The following CSMD1 variants were observed in gnomAD, a reference collection of about 807,000 sequenced individuals.
CSMD1 encodes the protein CUB and Sushi multiple domains 1, also known as CUB and sushi domain-containing protein 1.
In CSMD1, 213 loss-of-function variants were observed where a neutral mutation model predicts 417.5. The ratio of observed to expected loss-of-function variants is 0.51; its 90% CI spans 0.46 to 0.57. The LOEUF (loss-of-function observed/expected upper bound fraction) is 0.57. Among genes scored for constraint, CSMD1 ranks in the 20% least tolerant of loss-of-function variants. The probability of loss-of-function intolerance (pLI) is 0.00; values close to 1 mark genes in which losing one functional copy is unlikely to be tolerated. For synonymous variants in CSMD1, 2,862 were observed against 1,736.8 expected (o/e 1.65, Z -16.11); for missense variants, 6,923 against 4,529.7 (o/e 1.53, Z -15.17).
chr8:3,331,237 C>CAAAAAAAAAAAAAAAAAAAAAAAAAAAA (rs112278319), intron 23 of CSMD1, among the ~76,000 whole-genome samples: 12 of 128,514 alleles, frequency 9.3e-5, no homozygotes, highest in African/African-American at 3.8e-4. Context: ...GACTCCGTCT[C>CAAAAAAAAAAAAAAAAAAAAAAAAAAAA]AAAAAAAAAA....
At chr8:4,738,289 G>A (rs1810371455) in intron 1 of CSMD1, among the ~76,000 whole-genome samples, 1 of 152,158 alleles carries the variant, frequency 6.6e-6, no homozygotes, top group Non-Finnish European at 1.5e-5. Context: ...CTTGAGAATG[G>A]GTTATTTACA....
intron 1 of CSMD1, among the ~76,000 whole-genome samples, chr8:4,961,876 C>T (rs1037627988): frequency 1.5e-5 from 2 of 135,106 alleles, no homozygotes; most frequent in Non-Finnish European, 3.2e-5. Flanking sequence ...TCATCATTTT[C>T]TAACACGTGC....
At chr8:4,438,742 G>C (rs927654376) in intron 2 of CSMD1, among the ~76,000 whole-genome samples, 1 of 152,154 alleles carries the variant, frequency 6.6e-6, no homozygotes, top group African/African-American at 2.4e-5. Flanking sequence ...CAAATATTTG[G>C]TTACAAATGA....
At chr8:3,195,559 G>T (rs1234487190) in intron 33 of CSMD1, among the ~76,000 whole-genome samples, 1 of 152,080 alleles carries the variant, frequency 6.6e-6, no homozygotes, top group Admixed American at 6.6e-5. Flanking sequence ...GTTGATTTTC[G>T]GTGTAATATA....
intron 5 of CSMD1, among the ~76,000 whole-genome samples, chr8:3,775,985 C>T (rs1438163474): frequency 6.6e-6 from 1 of 152,196 alleles, no homozygotes; most frequent in Non-Finnish European, 1.5e-5. Flanking sequence ...AGGCTTCCTC[C>T]TCAGAGCTTC....
intron 50 of CSMD1, among the ~76,000 whole-genome samples, chr8:3,050,905 A>G (rs1418446813): frequency 6.6e-6 from 1 of 152,218 alleles, no homozygotes; most frequent in African/African-American, 2.4e-5. Flanking sequence ...TTCTGCTAGT[A>G]TCACTGGCGC....
In CSMD1 at chr8:4,303,347, C is replaced by T. The variant is rs187675519; in HGVS notation, c.415+116606G>A. Among the ~76,000 whole-genome samples, 571 of 151,120 alleles carry T rather than the reference C, an allele frequency of 3.8e-3. 10 individuals are homozygous for T. Among genetic ancestry groups the T allele is most frequent in the South Asian group, 0.031 (148 of 4,754 alleles). ...TATTAAAGGAAGCAAAAATTAGCAT[C>T]TTCCATCACCAAAATCTTCAAATAA... On this transcript the variant is annotated intron_variant, in intron 3 of 69. Transcript: ENST00000635120.
At chr8:3,988,991 G>C (rs1814540354) in intron 5 of CSMD1, among the ~76,000 whole-genome samples, 1 of 152,196 alleles carries the variant, frequency 6.6e-6, no homozygotes, top group Non-Finnish European at 1.5e-5. Flanking sequence ...TTTAGAACTA[G>C]ATACAGGTAA....
chr8:4,293,720 G>A (rs1043043819), intron 3 of CSMD1, among the ~76,000 whole-genome samples: 2 of 152,118 alleles, frequency 1.3e-5, no homozygotes, highest in African/African-American at 4.8e-5. Flanking sequence ...CTTTAAAAAA[G>A]ATGCTTTAGA....
intron 11 of CSMD1, among the ~76,000 whole-genome samples, chr8:3,485,509 A>T (rs1012282311): frequency 6.7e-6 from 1 of 149,408 alleles, no homozygotes; most frequent in Admixed American, 6.8e-5. Flanking sequence ...GTGAAATTGT[A>T]TAGAACTTCA....
chr8:3,889,812 ATTCT>A (rs1295771250), intron 5 of CSMD1, among the ~76,000 whole-genome samples: 3 of 152,008 alleles, frequency 2.0e-5, no homozygotes, highest in East Asian at 1.9e-4. Flanking sequence ...TCTGTTGCAA[ATTCT>A]TTATTTCTCT....
At chr8:4,958,654 C>A (rs185542611) in intron 1 of CSMD1, among the ~76,000 whole-genome samples, 6 of 152,232 alleles carry the variant, frequency 3.9e-5, no homozygotes, top group African/African-American at 1.4e-4. Context: ...ACCAGTCTTT[C>A]TGGTTTTGTG....
intron 7 of CSMD1, among the ~76,000 whole-genome samples, chr8:3,654,550 T>C (rs577652032): frequency 6.6e-6 from 1 of 152,302 alleles, no homozygotes; most frequent in Non-Finnish European, 1.5e-5. Context: ...TTGTCATGAT[T>C]ATACGGAGAG....
At chr8:3,341,951 C>A (rs932552473) in intron 23 of CSMD1, among the ~76,000 whole-genome samples, 2 of 152,160 alleles carry the variant, frequency 1.3e-5, no homozygotes, top group African/African-American at 4.8e-5. Flanking sequence ...TTCATTCCAT[C>A]TGCAAGCAAA....
intron 5 of CSMD1, among the ~76,000 whole-genome samples, chr8:3,799,287 T>G (rs975179246): frequency 6.6e-6 from 1 of 151,978 alleles, no homozygotes; most frequent in Non-Finnish European, 1.5e-5. Flanking sequence ...AGGGTACATG[T>G]GCACAATGTG....
In CSMD1 at chr8:3,545,193, G is replaced by A. The variant is rs370203744; in HGVS notation, c.1344+29752C>T. On this transcript the variant is annotated intron_variant, in intron 10 of 69. Transcript: ENST00000635120. ...ACTCTACACTTAGCAAAGAGCAGGA[G>A]GTAGAATATTGTTTCCATGTGTCTG... Among the ~76,000 whole-genome samples the A allele has an allele frequency of 2.4e-4, 37 of 152,160 alleles. 1 individual carries two copies. Among genetic ancestry groups the A allele is most frequent in the Admixed American group, 1.4e-3 (22 of 15,282 alleles).
intron 2 of CSMD1, among the ~76,000 whole-genome samples, chr8:4,519,798 G>T (rs979126484): frequency 7.4e-6 from 1 of 135,810 alleles, no homozygotes; most frequent in Non-Finnish European, 1.5e-5. Flanking sequence ...GCCTTTTGGA[G>T]CCAGGGATAG....
chr8:4,486,556 A>C (rs935745153), intron 2 of CSMD1, among the ~76,000 whole-genome samples: 296 of 152,154 alleles, frequency 1.9e-3, no homozygotes, highest in Non-Finnish European at 3.6e-3. Flanking sequence ...AAGTAAGCAT[A>C]ACAGAAGCTT....
intron 10 of CSMD1, among the ~76,000 whole-genome samples, chr8:3,527,566 A>G (rs1312651310): frequency 6.6e-6 from 1 of 152,042 alleles, no homozygotes; most frequent in African/African-American, 2.4e-5. Flanking sequence ...GATACCTGTG[A>G]TAAAATCGCA....
Sources: allele counts gnomAD v4.1 joint callset (sites outside exome capture counted in the v4.1 genomes callset), GRCh38; gene constraint gnomAD v4.1.1; transcripts MANE v1.5; gene names NCBI Gene and HGNC (gene_info 2026-07-23, HGNC 2026-07-21).